Variants in NDRG3 observed in about 807,000 individuals in gnomAD.
NDRG3 encodes the protein protein NDRG3.
NDRG3 carries 23 observed loss-of-function variants against 57.2 expected under a neutral mutation model. The observed-to-expected ratio is 0.40, with a 90% CI of 0.29 to 0.57. The LOEUF (loss-of-function observed/expected upper bound fraction) is 0.57. Ranked by LOEUF, NDRG3 falls within the 20% of genes least tolerant of loss-of-function variation. The probability of loss-of-function intolerance (pLI) is 0.42; values close to 1 mark genes in which losing one functional copy is unlikely to be tolerated. For synonymous variants in NDRG3, 132 were observed against 162.6 expected, an observed-to-expected ratio of 0.81 and a Z score of 1.43; for missense variants, 384 against 457.3, an observed-to-expected ratio of 0.84 and a Z score of 1.46.
chr20:36,700,936 G>C (rs1210099722), intron 3 of NDRG3, among the ~76,000 whole-genome samples: 2 of 152,064 alleles, frequency 1.3e-5, no homozygotes, highest in East Asian at 1.9e-4. Flanking sequence ...ATCATACCCA[G>C]CTAATTTTTA....
intron 13 of NDRG3, among the ~76,000 whole-genome samples, chr20:36,659,347 C>A (rs1210889486): frequency 6.6e-6 from 1 of 152,114 alleles, no homozygotes; most frequent in African/African-American, 2.4e-5. Flanking sequence ...AGGCTGGTCT[C>A]AAACTCCTGG....
At chr20:36,662,523 A>T (rs1045403922) in intron 12 of NDRG3, among the ~76,000 whole-genome samples, 2 of 152,108 alleles carry the variant, frequency 1.3e-5, no homozygotes, top group African/African-American at 2.4e-5. Flanking sequence ...TTTGACATCT[A>T]CTTTCTCCTC....
At chr20:36,660,564 A>ATT (rs200205594) in intron 12 of NDRG3, among the ~76,000 whole-genome samples, 180 bp from the exon 13 acceptor site, 8 of 148,276 alleles carry the variant, frequency 5.4e-5, no homozygotes, top group African/African-American at 2.0e-4. Flanking sequence ...TTATTTATTT[A>ATT]TTTATTTTTT....
chr20:36,698,370 G>A (rs1291539639), intron 3 of NDRG3, among the ~76,000 whole-genome samples: 2 of 151,918 alleles, frequency 1.3e-5, no homozygotes, highest in Non-Finnish European at 1.5e-5. Context: ...TAGGAGGACT[G>A]CTCGAGCCCA....
chr20:36,718,598 A>G, intron 2 of NDRG3, among the ~76,000 whole-genome samples: 1 of 152,104 alleles, frequency 6.6e-6, no homozygotes, highest in East Asian at 1.9e-4. Context: ...CTCATGATTA[A>G]TCTCTTCCTG....
At chr20:36,739,767 G>A (rs951819496) in intron 1 of NDRG3, among the ~76,000 whole-genome samples, 3 of 151,454 alleles carry the variant, frequency 2.0e-5, no homozygotes, top group Non-Finnish European at 1.5e-5. Flanking sequence ...AAAATTAGCC[G>A]GGTGCGGTGG....
chr20:36,657,649 T>A (rs1465982643), intron 13 of NDRG3, among the ~76,000 whole-genome samples: 1 of 152,144 alleles, frequency 6.6e-6, no homozygotes. Context: ...GCTGACTGGC[T>A]TTTTTTAAAA....
In NDRG3 at chr20:36,721,748, C is replaced by T. The variant is rs760894039; in HGVS notation, c.-13G>A. ...GAAGTTCATCCATGAGGTCAGATAACGAGAGTAGAGGAATCTCAAGAATAA... is the reference window on the plus strand; with the variant it reads ...GAAGTTCATCCATGAGGTCAGATAATGAGAGTAGAGGAATCTCAAGAATAA... On this transcript the variant is annotated 5_prime_UTR_variant, in exon 2 of 16. Coordinates refer to ENST00000349004, the MANE Select transcript of NDRG3 (RefSeq NM_032013.4). The T allele has an allele frequency of 9.4e-6, 15 of 1,592,670 alleles. No homozygotes were observed. The highest frequency in any genetic ancestry group is 4.5e-5 in the East Asian group (2 of 44,740).
intron 9 of NDRG3, among the ~76,000 whole-genome samples, chr20:36,668,260 C>T (rs1979808531): frequency 6.6e-6 from 1 of 152,092 alleles, no homozygotes. Context: ...AACAAATAAA[C>T]AGACTCCCAT....
At chr20:36,700,760 T>C (rs118089798) in intron 3 of NDRG3, 13 of 180,174 alleles carry the variant, frequency 7.2e-5, no homozygotes, top group Admixed American at 1.3e-4. Flanking sequence ...AGCAGTTTCT[T>C]TGCTTTTCCT....
intron 13 of NDRG3, among the ~76,000 whole-genome samples, chr20:36,657,183 T>C (rs1207725797): frequency 6.6e-6 from 1 of 152,154 alleles, no homozygotes; most frequent in Non-Finnish European, 1.5e-5. Context: ...GTTTGGGGTA[T>C]GGTTCGAGAT....
At chr20:36,715,885 T>A (rs540656493) in intron 2 of NDRG3, among the ~76,000 whole-genome samples, 2 of 151,842 alleles carry the variant, frequency 1.3e-5, no homozygotes, top group Non-Finnish European at 2.9e-5. Flanking sequence ...TCCCAGCACT[T>A]TGGGAGGCCG....
intron 3 of NDRG3, 49 bp downstream of exon 3, chr20:36,706,923 A>G: frequency 6.6e-7 from 1 of 1,526,392 alleles, no homozygotes; most frequent in Non-Finnish European, 9.0e-7. Flanking sequence ...GAAAGGAAAC[A>G]CTGCAGAGAT....
intron 5 of NDRG3, among the ~76,000 whole-genome samples, chr20:36,685,131 G>A (rs1273837972): frequency 1.3e-5 from 2 of 152,056 alleles, no homozygotes; most frequent in African/African-American, 4.8e-5. Flanking sequence ...ACCTCCGGCA[G>A]TAAGAGTCAA....
At chr20:36,702,565 C>A (rs1375248721) in intron 3 of NDRG3, among the ~76,000 whole-genome samples, 5 of 152,020 alleles carry the variant, frequency 3.3e-5, no homozygotes, top group Non-Finnish European at 5.9e-5. Context: ...CTCCTGTCAC[C>A]CAGGCTGCAG....
intron 15 of NDRG3, chr20:36,654,684 A>G (rs1366834252): frequency 2.8e-6 from 2 of 723,680 alleles, no homozygotes; most frequent in Non-Finnish European, 5.2e-6. Context: ...CTTGGGGCGT[A>G]CTGAGCCACG....
At chr20:36,654,212 T>A (rs1430804159) in intron 15 of NDRG3, among the ~76,000 whole-genome samples, 1 of 152,166 alleles carries the variant, frequency 6.6e-6, no homozygotes, top group African/African-American at 2.4e-5. Flanking sequence ...GGAGGGCAGA[T>A]TGGCTTGGAG....
At chr20:36,731,903 T>TGGTC (rs1985309198) in intron 1 of NDRG3, among the ~76,000 whole-genome samples, 3 of 151,806 alleles carry the variant, frequency 2.0e-5, no homozygotes, top group African/African-American at 7.3e-5. Flanking sequence ...GGAGGATCAC[T>TGGTC]TGAGTCCAGG....
chr20:36,720,155 A>T (rs1477365546), intron 2 of NDRG3, among the ~76,000 whole-genome samples: 1 of 151,466 alleles, frequency 6.6e-6, no homozygotes. Context: ...AACAATAAGG[A>T]ACAAGAGAGA....
Sources: allele counts gnomAD v4.1 joint callset (sites outside exome capture counted in the v4.1 genomes callset), GRCh38; gene constraint gnomAD v4.1.1; transcripts MANE v1.5; gene names NCBI Gene and HGNC (gene_info 2026-07-23, HGNC 2026-07-21).